Variants in TSHR observed in about 807,000 individuals in gnomAD.
The protein encoded by TSHR is thyrotropin receptor.
Under a neutral mutation model 64.1 loss-of-function variants are expected in TSHR, and 51 were observed. The ratio of observed to expected loss-of-function variants is 0.80; its 90% CI spans 0.64 to 1.01. The LOEUF (loss-of-function observed/expected upper bound fraction) is 1.01, where lower values mean the gene tolerates loss of function less well. Among genes scored for constraint, TSHR ranks in the 50% least tolerant of loss-of-function variants. TSHR has a pLI of 0.00. For missense variants in TSHR, 877 were observed against 942.8 expected (o/e 0.93, Z 0.91); for synonymous variants, 361 against 361.9 (o/e 1.00, Z 0.03).
intron 1 of TSHR, among the ~76,000 whole-genome samples, chr14:81,056,187 G>A (rs1289975150): frequency 1.3e-5 from 2 of 152,144 alleles, no homozygotes; most frequent in African/African-American, 4.8e-5. Context: ...TGTAAGACAT[G>A]ACTTGCTCCT....
intron 1 of TSHR, chr14:81,012,511 G>A (rs1374573379): frequency 3.3e-5 from 5 of 149,680 alleles, no homozygotes; most frequent in African/African-American, 7.3e-5. Context: ...CTGAGGAATC[G>A]CCACACTGAC....
intron 1 of TSHR, among the ~76,000 whole-genome samples, chr14:81,057,131 C>A (rs761057422): frequency 1.3e-5 from 2 of 152,174 alleles, no homozygotes; most frequent in Non-Finnish European, 2.9e-5. Context: ...TTATTCTTGG[C>A]TGGGTGCAGT....
At chr14:81,130,427 T>C (rs962813294) in intron 8 of TSHR, among the ~76,000 whole-genome samples, 2 of 152,196 alleles carry the variant, frequency 1.3e-5, no homozygotes, top group African/African-American at 4.8e-5. Flanking sequence ...TGGAATGTAT[T>C]CTTCTTTTGG....
At chr14:81,001,572 C>T in intron 1 of TSHR, 1 of 525,970 alleles carries the variant, frequency 1.9e-6, no homozygotes. Context: ...CTGTGTCCAG[C>T]CCCACTGCTT....
chr14:81,062,297 T>C (rs974713111), intron 2 of TSHR, 78 bp downstream of exon 2: 26 of 1,079,548 alleles, frequency 2.4e-5, no homozygotes, highest in African/African-American at 1.4e-4. Context: ...AGAAAAATAC[T>C]TGGTATTATA....
intron 5 of TSHR, among the ~76,000 whole-genome samples, chr14:81,092,163 C>G (rs1468891394): frequency 1.3e-5 from 2 of 152,208 alleles, no homozygotes; most frequent in East Asian, 1.9e-4. Flanking sequence ...TCCTTTTATC[C>G]TGACCTTCTT....
At chr14:81,113,978 G>A (rs1420342369) in intron 8 of TSHR, among the ~76,000 whole-genome samples, 2 of 152,072 alleles carry the variant, frequency 1.3e-5, no homozygotes, top group Admixed American at 6.5e-5. Context: ...GGCAGGTACT[G>A]TTCTGAAAAC....
At chr14:81,096,098 C>G (rs7150193) in intron 6 of TSHR, among the ~76,000 whole-genome samples, 38,690 of 150,938 alleles carry the variant, frequency 0.26, 7,413 homozygotes, top group African/African-American at 0.54. Flanking sequence ...TTCTTAGATT[C>G]ATCTATGAGG....
chr14:80,979,073 A>C (rs953592223), intron 1 of TSHR, among the ~76,000 whole-genome samples: 1 of 152,248 alleles, frequency 6.6e-6, no homozygotes, highest in Non-Finnish European at 1.5e-5. Context: ...TTCTTGGCCA[A>C]AACTATCTGT....
chr14:81,096,302 G>A (rs1286006960), intron 6 of TSHR, among the ~76,000 whole-genome samples: 1 of 152,038 alleles, frequency 6.6e-6, no homozygotes, highest in Non-Finnish European at 1.5e-5. Flanking sequence ...ATTGACATTG[G>A]GTTAACTATT....
At chr14:81,015,790 C>G (rs753389829) in intron 1 of TSHR, among the ~76,000 whole-genome samples, 7 of 152,058 alleles carry the variant, frequency 4.6e-5, no homozygotes, top group East Asian at 1.9e-4. Flanking sequence ...CTCATCCCCC[C>G]ACTCCTCACC....
At chr14:81,016,887 T>C (rs1466081479) in intron 1 of TSHR, among the ~76,000 whole-genome samples, 1 of 152,176 alleles carries the variant, frequency 6.6e-6, no homozygotes, top group Non-Finnish European at 1.5e-5. Context: ...GAAAAGACTA[T>C]CAATTTATTA....
chr14:81,072,291 T>A (rs1887129234), intron 3 of TSHR, among the ~76,000 whole-genome samples: 1 of 152,200 alleles, frequency 6.6e-6, no homozygotes, highest in East Asian at 1.9e-4. Context: ...TAGAACTGCT[T>A]GTATGCATAG....
chr14:81,114,600 G>T (rs1166643970), intron 8 of TSHR, among the ~76,000 whole-genome samples: 1 of 152,176 alleles, frequency 6.6e-6, no homozygotes, highest in African/African-American at 2.4e-5. Context: ...GCGAGGCTGG[G>T]GGAGGGGCGC....
At chr14:81,085,083 T>C (rs926208803) in intron 3 of TSHR, among the ~76,000 whole-genome samples, 1 of 152,138 alleles carries the variant, frequency 6.6e-6, no homozygotes, top group African/African-American at 2.4e-5. Context: ...TGTCTTGGCC[T>C]CCCAAATAGC....
At chr14:81,141,091 A>C (rs1196231994) in intron 9 of TSHR, among the ~76,000 whole-genome samples, 1 of 152,160 alleles carries the variant, frequency 6.6e-6, no homozygotes, top group Non-Finnish European at 1.5e-5. Flanking sequence ...GTGCCAGTGC[A>C]CTCCAGCCTG....
chr14:81,040,538 G>A (rs1396674970), intron 1 of TSHR, among the ~76,000 whole-genome samples: 1 of 152,048 alleles, frequency 6.6e-6, no homozygotes, highest in Non-Finnish European at 1.5e-5. Context: ...TACAGAATGG[G>A]AGAAAATATT....
intron 1 of TSHR, among the ~76,000 whole-genome samples, chr14:80,972,303 G>C (rs1887625254): frequency 6.6e-6 from 1 of 150,712 alleles, no homozygotes; most frequent in South Asian, 2.1e-4. Context: ...GGTTTTTTTT[G>C]CTCAGTTATG....
At chr14:81,100,769 G>A (rs1452084830) in intron 7 of TSHR, among the ~76,000 whole-genome samples, 1 of 152,216 alleles carries the variant, frequency 6.6e-6, no homozygotes, top group Non-Finnish European at 1.5e-5. Context: ...AGGAAGGAGT[G>A]CAGAGCTTCC....
Sources: gnomAD v4.1 joint callset for allele counts (sites outside exome capture counted in the v4.1 genomes callset) on GRCh38, gnomAD v4.1.1 for gene constraint, MANE v1.5 for transcripts, NCBI Gene and HGNC (gene_info 2026-07-23, HGNC 2026-07-21) for gene names.